SIAE: variants seen among roughly 807,000 people sequenced by gnomAD.
SIAE encodes the protein sialic acid acetylesterase.
A neutral mutation model predicts 52.6 loss-of-function variants in SIAE; 39 were observed. That is an observed-to-expected ratio of 0.74 (90% confidence interval 0.57 to 0.97). The LOEUF (loss-of-function observed/expected upper bound fraction) is 0.97. Ranked by LOEUF, SIAE falls within the 50% of genes least tolerant of loss-of-function variation. The pLI, the probability that SIAE is intolerant of heterozygous loss-of-function variation, is 0.00. For missense variants in SIAE, 592 were observed against 662.1 expected (o/e 0.89, Z 1.16); for synonymous variants, 233 against 241.4 (o/e 0.97, Z 0.32).
At position 124,636,809 on chromosome 11, in the gene SIAE, A is replaced by AAAC. The variant is rs1942750482; in HGVS notation, c.*139_*141dup. The AAAC allele has an allele frequency of 8.3e-7, 1 of 1,209,832 alleles. No homozygotes were observed. Among genetic ancestry groups the AAAC allele is most frequent in the Non-Finnish European group, 1.2e-6 (1 of 828,596 alleles). The allele number at this position is 1,209,832 out of a possible 1,614,324, so 74.9% of individuals were successfully genotyped here. ...TAAGCCTGGGCTCATCAGAATATAG[A>AAAC]AACAGCCATGTGCTAGCTGAAAGCC... On this transcript the variant is annotated 3_prime_UTR_variant, in exon 10 of 10. Transcript: ENST00000263593.
upstream of SIAE, chr11:124,675,330 G>T (rs376743796): frequency 1.0e-4 from 163 of 1,614,070 alleles, no homozygotes; most frequent in Middle Eastern, 1.6e-4. Flanking sequence ...TTCTTGAAGG[G>T]CTGACACGCG....
intron 2 of SIAE, among the ~76,000 whole-genome samples, chr11:124,664,288 G>T (rs1225962158): frequency 6.6e-6 from 1 of 151,574 alleles, no homozygotes; most frequent in African/African-American, 2.4e-5. Flanking sequence ...CTGGAGTGCA[G>T]TGGCGCGATC....
chr11:124,666,052 G>A (rs899140498), intron 2 of SIAE, among the ~76,000 whole-genome samples: 5 of 152,104 alleles, frequency 3.3e-5, no homozygotes, highest in Admixed American at 6.5e-5. Flanking sequence ...CGTATTCCTT[G>A]TGTCTGAAAG....
At chr11:124,661,074 TAC>T (rs1943182305) in intron 2 of SIAE, among the ~76,000 whole-genome samples, 1 of 152,102 alleles carries the variant, frequency 6.6e-6, no homozygotes, top group African/African-American at 2.4e-5. Flanking sequence ...TAGACAAAAA[TAC>T]ACACAGATTA....
intron 2 of SIAE, 98 bp from the exon 3 acceptor site, chr11:124,660,901 A>G (rs1242912279): frequency 7.0e-7 from 1 of 1,424,722 alleles, no homozygotes; most frequent in Non-Finnish European, 9.9e-7. Context: ...CCTCTGTAAT[A>G]AACCGAATTC....
At position 124,660,387 on chromosome 11, in the gene SIAE, G is replaced by T. The variant is rs147282354; in HGVS notation, c.405+241C>A. 2,893 of 551,702 alleles carry T rather than the reference G, an allele frequency of 5.2e-3. 85 individuals are homozygous for T. In the Admixed American group the frequency reaches 0.054, roughly 10 times the overall value. 34.2% of individuals were successfully genotyped at this position (551,702 alleles called of 1,614,324 possible). ...CTAGAGAAAACAATACTCCTTCTAA[G>T]TTCTTAACCTATATAGAATACATTA... On this transcript the variant is annotated intron_variant, in intron 3 of 9. Transcript: ENST00000263593.
chr11:124,673,813 A>G, upstream of SIAE: 2 of 1,339,202 alleles, frequency 1.5e-6, no homozygotes, highest in Non-Finnish European at 2.1e-6. Context: ...CAGTCCTCGC[A>G]GCCTCCCGCG....
intron 2 of SIAE, among the ~76,000 whole-genome samples, chr11:124,666,526 T>A (rs1943275163): frequency 6.6e-6 from 1 of 152,202 alleles, no homozygotes; most frequent in Admixed American, 6.5e-5. Context: ...CAAGTAAATG[T>A]GGAAAGTCTA....
At chr11:124,668,763 A>T (rs1943306953) in intron 2 of SIAE, among the ~76,000 whole-genome samples, 1 of 152,196 alleles carries the variant, frequency 6.6e-6, no homozygotes, top group Non-Finnish European at 1.5e-5. Context: ...ACCAATATGA[A>T]GTCTTACATT....
chr11:124,647,371 A>G lies in SIAE; in HGVS notation c.960T>C (p.Leu320=). 1 of 1,614,244 alleles carries G rather than the reference A, an allele frequency of 6.2e-7. No individual in the cohort carries two copies. The highest frequency in any genetic ancestry group is 8.5e-7 in the Non-Finnish European group (1 of 1,180,048). Residue 320 remains leucine, a synonymous_variant, in exon 7 of 10, where the codon CTT becomes CTC. Transcript: ENST00000263593. The part of the protein sequence containing the change: ...GQTERFFPFG[L]VQLSSDLSKK... Reference sequence around the variant, plus strand: ...GCCTTTACCCACATCGTACCTGGACAAGTCCAAATGGGAAGAAACGCTCCG... The same window carrying G: ...GCCTTTACCCACATCGTACCTGGACGAGTCCAAATGGGAAGAAACGCTCCG...
Position 124,635,308 on chromosome 11 carries a change from C to G in SIAE, c.*1643G>C, listed in dbSNP as rs1290354516. 6.6e-6 allele frequency: 1 copy of G among 152,058 alleles called. No individual in the cohort carries two copies. Among genetic ancestry groups the G allele is most frequent in the Non-Finnish European group, 1.5e-5 (1 of 67,944 alleles). 9.4% of individuals were successfully genotyped at this position (152,058 alleles called of 1,614,324 possible). On this transcript the variant is annotated 3_prime_UTR_variant, in exon 10 of 10. Coordinates refer to ENST00000263593, the MANE Select transcript of SIAE (RefSeq NM_170601.5). ...AGGGGTTAACTGAACGAGTTGAATG[C>G]TAGGAAGTCCTCAGGGGAGCCAACG... is the stretch of plus-strand genomic sequence containing the variant.
At chr11:124,646,905 T>C (rs953175336) in intron 7 of SIAE, among the ~76,000 whole-genome samples, 4 of 152,204 alleles carry the variant, frequency 2.6e-5, no homozygotes, top group Non-Finnish European at 5.9e-5. Flanking sequence ...ACAAACTGCA[T>C]TGAAGATTAA....
Position 124,651,817 on chromosome 11 carries a change from G to C in SIAE, c.545-2021C>G, listed in dbSNP as rs116125494. Among the ~76,000 whole-genome samples the C allele has an allele frequency of 2.5e-3, 388 of 152,292 alleles. 1 individual carries two copies. Among genetic ancestry groups the C allele is most frequent in the African/African-American group, 9.1e-3 (379 of 41,556 alleles). Reference sequence around the variant, plus strand: ...TACACTATTAGCAGAGACTTCACCTGATTCACGTCTGTATCCCCAGCGTCC... The same window carrying C: ...TACACTATTAGCAGAGACTTCACCTCATTCACGTCTGTATCCCCAGCGTCC... On this transcript the variant is annotated intron_variant, in intron 4 of 9. Coordinates refer to ENST00000263593, the MANE Select transcript of SIAE (RefSeq NM_170601.5).
intron 6 of SIAE, 127 bp from the exon 7 acceptor site, chr11:124,647,625 T>G: frequency 8.6e-7 from 1 of 1,166,534 alleles, no homozygotes; most frequent in South Asian, 1.3e-5. Context: ...CTGGTCTTTT[T>G]CCAGCCAGTG....
intron 8 of SIAE, 41 bp from the exon 9 acceptor site, chr11:124,638,778 T>A: frequency 6.6e-7 from 1 of 1,523,982 alleles, no homozygotes; most frequent in Non-Finnish European, 9.1e-7. Flanking sequence ...GGGTTTAAGC[T>A]CAACAATCAC....
intron 2 of SIAE, among the ~76,000 whole-genome samples, chr11:124,667,697 C>T (rs895516367): frequency 2.6e-5 from 4 of 152,164 alleles, no homozygotes; most frequent in Non-Finnish European, 5.9e-5. Context: ...CTGTCTCATT[C>T]GCACCTCCAC....
At position 124,660,718 on chromosome 11, in the gene SIAE, T is replaced by C; in HGVS notation, c.315A>G (p.Lys105=). The C allele has an allele frequency of 6.2e-7, 1 of 1,614,208 alleles. No individual in the cohort carries two copies. The highest frequency in any genetic ancestry group is 2.2e-5 in the East Asian group (1 of 44,886). ...FEVMAQQTLE[K]INFTLRVHDV... is the part of the protein sequence containing the mutation. ...CATGAACTCTCAGGGTGAAGTTTAT[T>C]TTCTCCAAAGTCTGTTGTGCCATCA... The change falls in exon 3 of 10, where the codon AAA becomes AAG. Residue 105 remains lysine (K), a synonymous_variant. Transcript: ENST00000263593.
rs1943065094 is a variant in SIAE, at chr11:124,654,470, T to G, written c.544+185A>C. On this transcript the variant is annotated intron_variant, in intron 4 of 9. Coordinates refer to ENST00000263593, the MANE Select transcript of SIAE (RefSeq NM_170601.5). ...ATTTCCCCACAGCAAGAGGGAAGAT[T>G]TGTTGGTAGTCTTGGGAAGAAACCT... is the stretch of plus-strand genomic sequence containing the variant. 3.0e-6 allele frequency: 3 copies of G among 985,300 alleles called. No homozygotes were observed. In the African/African-American group the frequency reaches 5.2e-5, roughly 17 times the overall value. 61.0% of individuals were successfully genotyped at this position (985,300 alleles called of 1,614,324 possible).
upstream of SIAE, chr11:124,675,294 C>T: frequency 5.0e-6 from 8 of 1,614,066 alleles, no homozygotes; most frequent in Non-Finnish European, 6.8e-6. Context: ...ACACCCACTA[C>T]CGAATTCCAC....
Sources: allele counts gnomAD v4.1 joint callset (sites outside exome capture counted in the v4.1 genomes callset), GRCh38; gene constraint gnomAD v4.1.1; transcripts MANE v1.5; gene names NCBI Gene and HGNC (gene_info 2026-07-23, HGNC 2026-07-21).